The following DNM1L variants were observed in gnomAD, a reference collection of about 807,000 sequenced individuals.
The protein encoded by DNM1L is dynamin-1-like protein.
Under a neutral mutation model 92.8 loss-of-function variants are expected in DNM1L, and 33 were observed. The ratio of observed to expected loss-of-function variants is 0.36; its 90% CI spans 0.27 to 0.48. The LOEUF is 0.48. DNM1L is among the 20% of genes least tolerant of loss of function. DNM1L has a pLI of 0.99. For missense variants in DNM1L, 485 were observed against 888.8 expected, an observed-to-expected ratio of 0.55 and a Z score of 5.78; for synonymous variants, 284 against 305.0, an observed-to-expected ratio of 0.93 and a Z score of 0.72.
rs1327363708 is a variant in DNM1L at position 32,743,695 on chromosome 12, C to T, written c.*285C>T. 1 of 434,712 alleles carries T rather than the reference C, an allele frequency of 2.3e-6. No individual in the cohort carries two copies. The highest frequency in any genetic ancestry group is 4.2e-6 in the Non-Finnish European group (1 of 239,172). 26.9% of individuals were successfully genotyped at this position (434,712 alleles called of 1,614,324 possible). A position where few individuals can be genotyped will look rare whatever the true frequency, so the allele number is the denominator to read the frequency against. Reference sequence around the variant, plus strand: ...TAACTTAAAAACAACTGTTAATGTTCTAGTTGTGCAAAGCAGTTTGCCTGT... The same window carrying T: ...TAACTTAAAAACAACTGTTAATGTTTTAGTTGTGCAAAGCAGTTTGCCTGT... On this transcript the variant is annotated 3_prime_UTR_variant, in exon 20 of 20. Coordinates refer to ENST00000549701, the MANE Select transcript of DNM1L (RefSeq NM_012062.5).
At chr12:32,717,427 CTATATATATTTTAAATATATACTATA>C (rs1565517975) in intron 6 of DNM1L, among the ~76,000 whole-genome samples, 1 of 38,330 alleles carries the variant, frequency 2.6e-5, no homozygotes, top group Non-Finnish European at 4.2e-5. Context: ...TAAATATATA[CTATATATATTTTAAATATATACTATA>C]TATATTTTAA....
In DNM1L at chr12:32,707,953, A is replaced by AG. The variant is rs1449076653; in HGVS notation, c.298-199dup. On this transcript the variant is annotated intron_variant, in intron 3 of 19. Coordinates refer to ENST00000549701, the MANE Select transcript of DNM1L (RefSeq NM_012062.5). Reference sequence around the variant, plus strand: ...GTGACAGAGTCAGACCCTCTCTCAAAGAAAAAAAAAAAGCCAAACAGAAAA... The same window carrying AG: ...GTGACAGAGTCAGACCCTCTCTCAAAGGAAAAAAAAAAAGCCAAACAGAAAA... Among the ~76,000 whole-genome samples, 3 of 151,666 alleles carry AG rather than the reference A, an allele frequency of 2.0e-5. No homozygotes were observed. The East Asian group carries it at 5.8e-4, about 29-fold the overall frequency.
chr12:32,720,619 G>A (rs761631903), intron 7 of DNM1L, 45 bp from the exon 8 acceptor site: 11 of 1,612,454 alleles, frequency 6.8e-6, no homozygotes, highest in East Asian at 2.2e-5. Context: ...GGTAGGAAGA[G>A]GACAACAGTT....
chr12:32,694,668 AATAGG>A, intron 1 of DNM1L, among the ~76,000 whole-genome samples: 1 of 152,310 alleles, frequency 6.6e-6, no homozygotes, highest in East Asian at 1.9e-4. Context: ...AAACAGAACA[AATAGG>A]ATAGGAAAAC....
rs75684791 is a variant in DNM1L at position 32,720,456 on chromosome 12, G to C, written c.741-208G>C. On this transcript the variant is annotated intron_variant, in intron 7 of 19. Transcript: ENST00000549701. ...GTTCAAGTCTTGGCTATGCCAGTTA[G>C]TGTGTGACCTGGGGTAAGTTAGTTT... Among the ~76,000 whole-genome samples the C allele has an allele frequency of 0.036, 5,438 of 152,258 alleles. 151 individuals are homozygous for C. Among genetic ancestry groups the C allele is most frequent in the South Asian group, 0.055 (267 of 4,826 alleles).
At chr12:32,712,583 GAAGAT>G (rs1953170866) in intron 5 of DNM1L, among the ~76,000 whole-genome samples, 1 of 124,582 alleles carries the variant, frequency 8.0e-6, no homozygotes, top group African/African-American at 3.1e-5. Flanking sequence ...CCAGGAGTTT[GAAGAT>G]ACAGTGAGCT....
chr12:32,718,832 G>T, intron 7 of DNM1L, 69 bp downstream of exon 7: 1 of 1,594,224 alleles, frequency 6.3e-7, no homozygotes. Flanking sequence ...TCTCACTTCA[G>T]AGCAAGTCTG....
Position 32,690,969 on chromosome 12 carries a change from C to T in DNM1L, c.103-10446C>T, listed in dbSNP as rs189353707. Among the ~76,000 whole-genome samples, 343 of 152,188 alleles carry T rather than the reference C, an allele frequency of 2.3e-3. 1 individual carries two copies. The highest frequency in any genetic ancestry group is 0.02 in the Middle Eastern group (6 of 294). On this transcript the variant is annotated intron_variant, in intron 1 of 19. Transcript: ENST00000549701. ...ATTGATTTTATTCATTGCATGTGTG[C>T]GCAGTTGAGTTTGTAACTTCTGTAT...
intron 4 of DNM1L, among the ~76,000 whole-genome samples, chr12:32,710,330 C>T (rs778139462): frequency 2.0e-5 from 3 of 152,278 alleles, no homozygotes; most frequent in African/African-American, 4.8e-5. Context: ...TCTCTGAACT[C>T]GGAACCTCAT....
intron 9 of DNM1L, 127 bp from the exon 10 acceptor site, chr12:32,730,887 A>G (rs1954513037): frequency 2.2e-6 from 3 of 1,358,220 alleles, no homozygotes; most frequent in Non-Finnish European, 3.1e-6. Flanking sequence ...AATGGGAATG[A>G]ATGAAATTGT....
chr12:32,703,371 A>T (rs150190167), intron 2 of DNM1L, among the ~76,000 whole-genome samples: 10 of 152,224 alleles, frequency 6.6e-5, no homozygotes, highest in Admixed American at 5.9e-4. Flanking sequence ...CCCCAAACAC[A>T]ATATAGATTA....
At chr12:32,724,291 A>G (rs978532106) in intron 9 of DNM1L, among the ~76,000 whole-genome samples, 3 of 152,030 alleles carry the variant, frequency 2.0e-5, no homozygotes, top group African/African-American at 7.2e-5. Flanking sequence ...AATAGGAGCC[A>G]CATTGGCCAG....
At position 32,705,761 on chromosome 12, in the gene DNM1L, A is replaced by G. The variant is rs568556224; in HGVS notation, c.251-1606A>G. On this transcript the variant is annotated intron_variant, in intron 2 of 19. Coordinates refer to ENST00000549701, the MANE Select transcript of DNM1L (RefSeq NM_012062.5). ...AGGTTTCTGCACATTTGAATTTTTA[A>G]TAAGGTTTAAAATTTTAGGGATAAG... 15 of 1,448,708 alleles carry G rather than the reference A, an allele frequency of 1.0e-5. No individual in the cohort carries two copies. In the South Asian group the frequency reaches 1.4e-4, roughly 14 times the overall value. The allele number at this position is 1,448,708 out of a possible 1,614,324, so 89.7% of individuals were successfully genotyped here. A position where few individuals can be genotyped will look rare whatever the true frequency, so the allele number is the denominator to read the frequency against.
intron 13 of DNM1L, 190 bp from the exon 14 acceptor site, chr12:32,736,915 A>G (rs1179598580): frequency 1.6e-6 from 1 of 606,950 alleles, no homozygotes; most frequent in Non-Finnish European, 2.8e-6. Context: ...GCAGAAAAAA[A>G]AAAGATTAAG....
At position 32,740,207 on chromosome 12, in the gene DNM1L, A is replaced by C. The variant is rs758240491; in HGVS notation, c.1851A>C (p.Pro617=). Residue 617 remains proline (P), a synonymous_variant, in exon 17 of 20, where the codon CCA becomes CCC. Coordinates refer to ENST00000549701, the MANE Select transcript of DNM1L (RefSeq NM_012062.5). The part of the protein sequence containing the change: ...SKPIPIMPAS[P]QKGHAVNLLD... ...CCATTCCAATTATGCCAGCCAGTCC[A>C]CAAAAAGGTCATGCCGTGAACCTGC... 6.2e-7 allele frequency: 1 copy of C among 1,614,212 alleles called. No individual in the cohort carries two copies. The highest frequency in any genetic ancestry group is 2.2e-5 in the East Asian group (1 of 44,888).
At position 32,701,330 on chromosome 12, in the gene DNM1L, A is replaced by T. The variant is rs372531572; in HGVS notation, c.103-85A>T. ...AATTTTTCCTTTAAAATAATTCTGT[A>T]TGCTGGTTTGTTAATATAGTTTATT... On this transcript the variant is annotated intron_variant, in intron 1 of 19. Coordinates refer to ENST00000549701, the MANE Select transcript of DNM1L (RefSeq NM_012062.5). 31 of 1,189,102 alleles carry T rather than the reference A, an allele frequency of 2.6e-5. No individual in the cohort carries two copies. The South Asian group carries it at 3.9e-4, about 15-fold the overall frequency. 73.7% of individuals were successfully genotyped at this position (1,189,102 alleles called of 1,614,324 possible).
At chr12:32,680,443 A>T (rs918924120) in intron 1 of DNM1L, among the ~76,000 whole-genome samples, 2 of 152,228 alleles carry the variant, frequency 1.3e-5, no homozygotes, top group African/African-American at 4.8e-5. Context: ...TATAAGTGCT[A>T]TCAGAAGGAA....
intron 16 of DNM1L, 152 bp from the exon 17 acceptor site, chr12:32,739,912 C>G (rs1244384055): frequency 3.2e-6 from 3 of 930,878 alleles, no homozygotes; most frequent in Non-Finnish European, 5.0e-6. Context: ...GTTATACATG[C>G]TACCTAGTGT....
At position 32,718,746 on chromosome 12, in the gene DNM1L, A is replaced by C. The variant is rs1334221241; in HGVS notation, c.723A>C (p.Ile241=). Reference sequence around the variant, plus strand: ...GGGTTATTCCAGTCAAACTTGGAATAATTGGAGTAGTTAACAGGTTAGCAG... The same window carrying C: ...GGGTTATTCCAGTCAAACTTGGAATCATTGGAGTAGTTAACAGGTTAGCAG... ...MGRVIPVKLG[I]IGVVNRSQLD... Residue 241 remains isoleucine, a synonymous_variant, in exon 7 of 20, where the codon ATA becomes ATC. Transcript: ENST00000549701. The C allele has an allele frequency of 9.3e-6, 15 of 1,613,718 alleles. No individual in the cohort carries two copies. The highest frequency in any genetic ancestry group is 1.3e-5 in the Non-Finnish European group (15 of 1,179,870).
Sources: gnomAD v4.1 joint callset for allele counts (sites outside exome capture counted in the v4.1 genomes callset) on GRCh38, gnomAD v4.1.1 for gene constraint, MANE v1.5 for transcripts, NCBI Gene and HGNC (gene_info 2026-07-23, HGNC 2026-07-21) for gene names.